The following FOXP1 variants were observed in gnomAD, a reference collection of about 807,000 sequenced individuals.
FOXP1 encodes forkhead box P1.
In FOXP1, 15 loss-of-function variants were observed where a neutral mutation model predicts 98.2. The observed-to-expected ratio is 0.15, with a 90% CI of 0.10 to 0.24. The LOEUF (loss-of-function observed/expected upper bound fraction) is 0.24. FOXP1 is among the 10% of genes least tolerant of loss of function. FOXP1 has a pLI of 1.00. For missense variants in FOXP1, 633 were observed against 848.5 expected (o/e 0.75, Z 3.15); for synonymous variants, 371 against 314.5 (o/e 1.18, Z -1.90).
At chr3:71,211,779 G>A (rs1445812456) in intron 5 of FOXP1, among the ~76,000 whole-genome samples, 1 of 152,194 alleles carries the variant, frequency 6.6e-6, no homozygotes, top group Non-Finnish European at 1.5e-5. Context: ...AGTGGACACC[G>A]GAGCTAGTTT....
intron 20 of FOXP1, among the ~76,000 whole-genome samples, chr3:70,962,033 T>C (rs184766060): frequency 2.0e-5 from 3 of 152,374 alleles, no homozygotes; most frequent in Admixed American, 1.3e-4. Context: ...GAATTAGTTA[T>C]GCTGATGATG....
chr3:71,077,486 T>C (rs1469419738), intron 7 of FOXP1, among the ~76,000 whole-genome samples: 1 of 152,182 alleles, frequency 6.6e-6, no homozygotes, highest in African/African-American at 2.4e-5. Flanking sequence ...TATTCCTCTG[T>C]TAGGCAAAAT....
chr3:71,036,391 T>C (rs916724761), intron 11 of FOXP1, among the ~76,000 whole-genome samples: 4 of 152,226 alleles, frequency 2.6e-5, no homozygotes, highest in African/African-American at 9.6e-5. Flanking sequence ...AACCACCATC[T>C]GATCAGGGTT....
chr3:71,548,300 C>T (rs1438143573), intron 2 of FOXP1, among the ~76,000 whole-genome samples: 1 of 152,220 alleles, frequency 6.6e-6, no homozygotes, highest in Non-Finnish European at 1.5e-5. Flanking sequence ...AATACACACA[C>T]ACACAAATAG....
chr3:71,448,294 C>T (rs79799311), intron 3 of FOXP1, among the ~76,000 whole-genome samples: 2,138 of 152,314 alleles, frequency 0.014, 40 homozygotes, highest in African/African-American at 0.048. Flanking sequence ...CAAAATCCTG[C>T]TCCATTAAGT....
intron 6 of FOXP1, among the ~76,000 whole-genome samples, chr3:71,118,399 T>C (rs2058528516): frequency 6.6e-6 from 1 of 152,264 alleles, no homozygotes; most frequent in Admixed American, 6.5e-5. Context: ...ATGTTTAGCA[T>C]GTTTATCAAG....
intron 6 of FOXP1, among the ~76,000 whole-genome samples, chr3:71,126,250 C>T (rs2059162322): frequency 6.6e-6 from 1 of 151,612 alleles, no homozygotes; most frequent in African/African-American, 2.4e-5. Context: ...TTTGGGAGGC[C>T]AAGGCGGGCG....
chr3:71,479,219 A>T (rs964651731), intron 3 of FOXP1, among the ~76,000 whole-genome samples: 2 of 152,176 alleles, frequency 1.3e-5, no homozygotes, highest in Non-Finnish European at 2.9e-5. Flanking sequence ...CTACACAGTT[A>T]CCTGGCTTAA....
intron 3 of FOXP1, among the ~76,000 whole-genome samples, chr3:71,426,348 T>C (rs2084151977): frequency 6.6e-6 from 1 of 152,146 alleles, no homozygotes; most frequent in African/African-American, 2.4e-5. Context: ...CTTGCGAAGA[T>C]GTCAGGAAGG....
chr3:71,408,196 G>A (rs988091561), intron 3 of FOXP1, among the ~76,000 whole-genome samples: 3 of 152,150 alleles, frequency 2.0e-5, no homozygotes, highest in Admixed American at 6.5e-5. Flanking sequence ...TGCAACAGGC[G>A]GAAATTTTTG....
intron 5 of FOXP1, among the ~76,000 whole-genome samples, chr3:71,207,023 T>C (rs2064090485): frequency 6.6e-6 from 1 of 152,184 alleles, no homozygotes; most frequent in Admixed American, 6.5e-5. Context: ...GCCAATCCAG[T>C]GCTAGGCTGT....
chr3:71,486,255 C>T (rs934315415), intron 3 of FOXP1, among the ~76,000 whole-genome samples: 1 of 151,962 alleles, frequency 6.6e-6, no homozygotes, highest in African/African-American at 2.4e-5. Flanking sequence ...ATAAGATAAG[C>T]AAGGTGATAC....
chr3:71,240,573 C>G (rs571641959), intron 5 of FOXP1, among the ~76,000 whole-genome samples: 1 of 151,970 alleles, frequency 6.6e-6, no homozygotes, highest in African/African-American at 2.4e-5. Flanking sequence ...GACGGAGTCT[C>G]GCTCTGTCAC....
At chr3:71,061,334 C>T (rs1038593484) in intron 7 of FOXP1, among the ~76,000 whole-genome samples, 5 of 152,168 alleles carry the variant, frequency 3.3e-5, no homozygotes, top group African/African-American at 1.2e-4. Flanking sequence ...CAGCTCATCA[C>T]CAATGTAACT....
intron 6 of FOXP1, among the ~76,000 whole-genome samples, chr3:71,115,846 C>T (rs1439990800): frequency 2.6e-5 from 4 of 151,230 alleles, no homozygotes; most frequent in Non-Finnish European, 4.4e-5. Flanking sequence ...AAGCAATTCT[C>T]CTGCCCAAGC....
chr3:71,052,561 T>A lies in FOXP1; in HGVS notation c.486A>T (p.Gln162His), dbSNP rs752710459. 12 of 1,380,488 alleles carry A rather than the reference T, an allele frequency of 8.7e-6. No individual in the cohort carries two copies. The East Asian group carries it at 2.1e-4, about 24-fold the overall frequency. 85.5% of individuals were successfully genotyped at this position (1,380,488 alleles called of 1,614,324 possible). ...CCTCTTTAGGCTGTTTTCCAGCATG[T>A]TGTTGTTGTAAAAGTTGAAGCTGCA... is the stretch of plus-strand genomic sequence containing the variant. ...EQLQLQLLQQ[Q>H]HAGKQPKEQQ... The change falls in exon 9 of 21, where the codon CAA becomes CAT. Residue 162 changes from glutamine to histidine, a missense_variant. Physicochemically the swap from Gln to His is conservative, Grantham distance 24. Transcript: ENST00000649528.
At chr3:71,320,413 C>T (rs567595041) in intron 4 of FOXP1, among the ~76,000 whole-genome samples, 1 of 151,976 alleles carries the variant, frequency 6.6e-6, no homozygotes, top group East Asian at 2.0e-4. Context: ...CCTGTACAGT[C>T]TTGTCTCTAA....
intron 6 of FOXP1, among the ~76,000 whole-genome samples, chr3:71,196,568 A>G (rs903302155): frequency 3.3e-5 from 5 of 152,214 alleles, no homozygotes; most frequent in African/African-American, 1.2e-4. Context: ...CAAGTGCTCA[A>G]GTGCTTCATA....
chr3:71,052,647 G>A (rs746273801), intron 8 of FOXP1, 21 bp from the exon 9 acceptor site: 6 of 974,812 alleles, frequency 6.2e-6, no homozygotes, highest in Admixed American at 1.7e-5. Context: ...AAGAGAGGAC[G>A]GTAAGTAACA....
Sources: gnomAD v4.1 joint callset for allele counts (sites outside exome capture counted in the v4.1 genomes callset) on GRCh38, gnomAD v4.1.1 for gene constraint, MANE v1.5 for transcripts, NCBI Gene and HGNC (gene_info 2026-07-23, HGNC 2026-07-21) for gene names.